CTNNA2: variants seen among roughly 807,000 people sequenced by gnomAD.
CTNNA2 encodes the protein catenin alpha-2.
CTNNA2 carries 42 observed loss-of-function variants against 101.0 expected under a neutral mutation model. The ratio of observed to expected loss-of-function variants is 0.42; its 90% CI spans 0.32 to 0.54. The LOEUF (loss-of-function observed/expected upper bound fraction) is 0.54. CTNNA2 is among the 20% of genes least tolerant of loss of function. The pLI, the probability that CTNNA2 is intolerant of heterozygous loss-of-function variation, is 0.14. For synonymous variants in CTNNA2, 450 were observed against 456.4 expected (o/e 0.99, Z 0.18); for missense variants, 871 against 1,223.1 (o/e 0.71, Z 4.29).
chr2:80,328,488 C>G (rs555781473), intron 7 of CTNNA2: 1 of 427,474 alleles, frequency 2.3e-6, no homozygotes, highest in African/African-American at 2.0e-5. Context: ...TCTGGAGCAG[C>G]AGGTAGTCCA....
chr2:79,462,195 T>C (rs934925539), intron 4 of CTNNA2, among the ~76,000 whole-genome samples: 11 of 152,216 alleles, frequency 7.2e-5, no homozygotes, highest in Non-Finnish European at 4.4e-5. Flanking sequence ...TGATGAATTC[T>C]GTATTCTGTC....
chr2:80,635,408 C>T (rs747979376), intron 18 of CTNNA2, among the ~76,000 whole-genome samples: 12 of 151,966 alleles, frequency 7.9e-5, no homozygotes, highest in Non-Finnish European at 1.8e-4. Flanking sequence ...TACTAAAGAC[C>T]TCTTATGAGC....
At chr2:79,381,259 A>C (rs1678036314) in intron 4 of CTNNA2, among the ~76,000 whole-genome samples, 1 of 152,170 alleles carries the variant, frequency 6.6e-6, no homozygotes, top group Admixed American at 6.5e-5. Flanking sequence ...GAAGAAACTG[A>C]GATGCATGTA....
intron 9 of CTNNA2, among the ~76,000 whole-genome samples, chr2:80,449,480 C>A (rs1247826492): frequency 6.6e-6 from 1 of 152,138 alleles, no homozygotes; most frequent in African/African-American, 2.4e-5. Flanking sequence ...CTTGTGTCTC[C>A]TTCTCTGTTT....
chr2:80,488,057 G>T (rs1686739291), intron 9 of CTNNA2, among the ~76,000 whole-genome samples: 1 of 152,112 alleles, frequency 6.6e-6, no homozygotes, highest in African/African-American at 2.4e-5. Flanking sequence ...AGTTTCAATG[G>T]CTAAAGCAAG....
intron 9 of CTNNA2, among the ~76,000 whole-genome samples, chr2:80,487,012 G>A (rs376471646): frequency 3.9e-5 from 6 of 152,244 alleles, no homozygotes; most frequent in East Asian, 1.9e-4. Context: ...TGGGCCGAGC[G>A]TGGTGGCTCA....
In CTNNA2 at chr2:79,224,894, CAT is replaced by C. The variant is rs1046376269; in HGVS notation, c.-406+26823_-406+26824del. Reference sequence around the variant, plus strand: ...ATTAAGCTTTATATATATATGGACTCATATATTTTTAATCACATAAGGTTTTC... The same window carrying C: ...ATTAAGCTTTATATATATATGGACTCATATTTTTAATCACATAAGGTTTTC... On this transcript the variant is annotated intron_variant, in intron 2 of 21. Coordinates refer to the CTNNA2 transcript ENST00000466387. Among the ~76,000 whole-genome samples the C allele has an allele frequency of 3.3e-3, 495 of 151,532 alleles. 1 individual carries two copies. The highest frequency in any genetic ancestry group is 0.014 in the Middle Eastern group (4 of 290).
At chr2:80,520,642 G>A (rs1010277914) in intron 9 of CTNNA2, among the ~76,000 whole-genome samples, 2 of 152,090 alleles carry the variant, frequency 1.3e-5, no homozygotes, top group Admixed American at 6.5e-5. Flanking sequence ...TGCTTATAAA[G>A]GCACTATTCC....
intron 4 of CTNNA2, among the ~76,000 whole-genome samples, chr2:79,476,806 T>C (rs1233187140): frequency 6.6e-6 from 1 of 152,218 alleles, no homozygotes; most frequent in Non-Finnish European, 1.5e-5. Flanking sequence ...ACCTTTGCCA[T>C]CCCATTCAGG....
At chr2:79,351,457 C>A (rs867744278) in intron 3 of CTNNA2, among the ~76,000 whole-genome samples, 1 of 152,022 alleles carries the variant, frequency 6.6e-6, no homozygotes, top group Non-Finnish European at 1.5e-5. Flanking sequence ...ATTTTACAAT[C>A]GGGGGTACAT....
At chr2:80,285,234 G>T (rs185987109) in intron 7 of CTNNA2, among the ~76,000 whole-genome samples, 2 of 152,248 alleles carry the variant, frequency 1.3e-5, no homozygotes, top group Admixed American at 6.5e-5. Flanking sequence ...TGAGTAGATT[G>T]CCAGTAGCAT....
At chr2:80,048,028 T>C (rs1296519632) in intron 7 of CTNNA2, among the ~76,000 whole-genome samples, 1 of 152,212 alleles carries the variant, frequency 6.6e-6, no homozygotes, top group African/African-American at 2.4e-5. Context: ...TAGAGCCCTA[T>C]GTTATAACCA....
At chr2:80,483,835 G>C (rs6547311) in intron 9 of CTNNA2, among the ~76,000 whole-genome samples, 45,784 of 151,984 alleles carry the variant, frequency 0.3, 7,568 homozygotes, top group East Asian at 0.67. Flanking sequence ...AGAATGAATA[G>C]TGAGACTTCA....
intron 7 of CTNNA2, among the ~76,000 whole-genome samples, chr2:80,225,427 G>C (rs1232739898): frequency 6.6e-6 from 1 of 152,068 alleles, no homozygotes; most frequent in Non-Finnish European, 1.5e-5. Flanking sequence ...GAAATCAGTT[G>C]TTCCTGGCTG....
rs748172281 is a variant in CTNNA2 at position 80,647,881 on chromosome 2, G to A, written c.*9G>A. ...CAATGGATTCCTTCTAGGACGATAG[G>A]TTTTAACAAGAAAGCTTTTTCTTTC... is the stretch of plus-strand genomic sequence containing the variant. On this transcript the variant is annotated 3_prime_UTR_variant, in exon 19 of 19. Transcript: ENST00000402739. The A allele has an allele frequency of 1.2e-5, 19 of 1,544,650 alleles. No homozygotes were observed.
chr2:79,732,616 A>G (rs1687275744), intron 2 of CTNNA2, among the ~76,000 whole-genome samples: 1 of 152,114 alleles, frequency 6.6e-6, no homozygotes, highest in Non-Finnish European at 1.5e-5. Flanking sequence ...TATACATAAA[A>G]GTAGACATTT....
intron 2 of CTNNA2, among the ~76,000 whole-genome samples, chr2:79,271,392 A>G (rs1675079497): frequency 6.6e-6 from 1 of 152,208 alleles, no homozygotes. Flanking sequence ...ATAACAGATA[A>G]GGAAAACAGA....
intron 7 of CTNNA2, among the ~76,000 whole-genome samples, chr2:80,063,728 A>G (rs1697772374): frequency 6.6e-6 from 1 of 152,238 alleles, no homozygotes; most frequent in African/African-American, 2.4e-5. Flanking sequence ...GATAAACCTG[A>G]ACATTCATTC....
intron 7 of CTNNA2, among the ~76,000 whole-genome samples, chr2:80,078,244 GTTGCAGAACCATTT>G (rs1277220277): frequency 6.6e-6 from 1 of 152,152 alleles, no homozygotes; most frequent in African/African-American, 2.4e-5. Flanking sequence ...CTTGAAAATG[GTTGCAGAACCATTT>G]TCTGTTGAAA....
Sources: allele counts gnomAD v4.1 joint callset (sites outside exome capture counted in the v4.1 genomes callset), GRCh38; gene constraint gnomAD v4.1.1; transcripts MANE v1.5; gene names NCBI Gene and HGNC (gene_info 2026-07-23, HGNC 2026-07-21).